FGGY: variants seen among roughly 807,000 people sequenced by gnomAD.
The protein encoded by FGGY is FGGY carbohydrate kinase domain containing.
A neutral mutation model predicts 71.3 loss-of-function variants in FGGY; 72 were observed. The ratio of observed to expected loss-of-function variants is 1.01; its 90% CI spans 0.84 to 1.23. The LOEUF (loss-of-function observed/expected upper bound fraction) is 1.23. Among genes scored for constraint, FGGY ranks in the 50% most tolerant of loss-of-function variants. The pLI is 0.00. For missense variants in FGGY, 668 were observed against 682.3 expected (o/e 0.98, Z 0.23); for synonymous variants, 251 against 250.3 (o/e 1.00, Z -0.02).
chr1:59,730,158 TTA>T (rs1446960241), intron 14 of FGGY, among the ~76,000 whole-genome samples: 2 of 152,122 alleles, frequency 1.3e-5, no homozygotes, highest in East Asian at 3.9e-4. Context: ...CCCTACCAGT[TTA>T]TGACTCCAGC....
Position 59,723,661 on chromosome 1 carries a change from A to G in FGGY, c.1513-34270A>G, listed in dbSNP as rs180769801. Among the ~76,000 whole-genome samples, 3 of 152,106 alleles carry G rather than the reference A, an allele frequency of 2.0e-5. No homozygotes were observed. In the East Asian group the frequency reaches 5.8e-4, roughly 29 times the overall value. On this transcript the variant is annotated intron_variant, in intron 14 of 15. Coordinates refer to ENST00000303721, the MANE Select transcript of FGGY (RefSeq NM_018291.5). ...AGCACCTTAATCACCCACCACACAG[A>G]GTGAGATCGTTTTATACACTAGTAA...
At chr1:59,697,779 C>A in intron 14 of FGGY, 1 of 1,047,138 alleles carries the variant, frequency 9.5e-7, no homozygotes, top group South Asian at 1.5e-5. Flanking sequence ...GCATGCTGTG[C>A]CCCTCCACAT....
intron 1 of FGGY, among the ~76,000 whole-genome samples, chr1:59,304,598 T>G (rs2043189152): frequency 6.6e-6 from 1 of 152,064 alleles, no homozygotes; most frequent in Non-Finnish European, 1.5e-5. Flanking sequence ...CTCTATTTTT[T>G]TTTTAAATGC....
rs548300170 is a variant in FGGY, at chr1:59,447,816, T to C, written c.555-9145T>C. Among the ~76,000 whole-genome samples, 5 of 152,314 alleles carry C rather than the reference T, an allele frequency of 3.3e-5. No homozygotes were observed. The East Asian group carries it at 9.6e-4, about 29-fold the overall frequency. The stretch of plus-strand genomic sequence containing the variant: ...AGTTTATTAAACCTCTTTTTCTTTA[T>C]AAATTACCCAGTCTCAGGTATGTCT... On this transcript the variant is annotated intron_variant, in intron 5 of 15. Transcript: ENST00000303721.
rs56302240 is a variant in FGGY at position 59,654,374 on chromosome 1, G to A, written c.1222-5845G>A. ...CTTCATTATTGACTGAGCAAGCAGAGCATTTCTGCCTCTCCATTGTGTTCT... is the reference window on the plus strand; with the variant it reads ...CTTCATTATTGACTGAGCAAGCAGAACATTTCTGCCTCTCCATTGTGTTCT... On this transcript the variant is annotated intron_variant, in intron 11 of 15. Coordinates refer to ENST00000303721, the MANE Select transcript of FGGY (RefSeq NM_018291.5). Among the ~76,000 whole-genome samples, 540 of 152,256 alleles carry A rather than the reference G, an allele frequency of 3.5e-3. 4 individuals carry two copies. Among genetic ancestry groups the A allele is most frequent in the African/African-American group, 0.012 (516 of 41,550 alleles).
chr1:59,557,172 T>C (rs950293384), intron 8 of FGGY, among the ~76,000 whole-genome samples: 5 of 152,118 alleles, frequency 3.3e-5, no homozygotes, highest in African/African-American at 1.2e-4. Context: ...AAGGACCCCC[T>C]TTGTTGTGGT....
chr1:59,494,394 A>C (rs1215715152), intron 6 of FGGY, among the ~76,000 whole-genome samples: 1 of 152,150 alleles, frequency 6.6e-6, no homozygotes, highest in African/African-American at 2.4e-5. Flanking sequence ...CAACAGCAGG[A>C]GCAGAGGCCC....
chr1:59,322,249 A>G (rs2046523314), intron 2 of FGGY, among the ~76,000 whole-genome samples: 1 of 151,858 alleles, frequency 6.6e-6, no homozygotes, highest in South Asian at 2.1e-4. Context: ...CAGGACTAGA[A>G]CAAAGCAGTC....
At chr1:59,404,707 A>C (rs1042834631) in intron 5 of FGGY, among the ~76,000 whole-genome samples, 24 of 152,180 alleles carry the variant, frequency 1.6e-4, no homozygotes, top group African/African-American at 5.3e-4. Context: ...AAATCTGAGC[A>C]GAAGAGACAG....
At chr1:59,484,096 A>G (rs538163676) in intron 6 of FGGY, among the ~76,000 whole-genome samples, 5 of 152,270 alleles carry the variant, frequency 3.3e-5, no homozygotes, top group African/African-American at 1.2e-4. Context: ...TTCCTTTTAC[A>G]GATATGGAAA....
intron 6 of FGGY, among the ~76,000 whole-genome samples, chr1:59,473,358 A>G (rs2093082623): frequency 6.6e-6 from 1 of 152,044 alleles, no homozygotes; most frequent in African/African-American, 2.4e-5. Context: ...GAAGGAAGAA[A>G]CTCCGAACAC....
At chr1:59,596,400 A>G (rs563801531) in intron 8 of FGGY, among the ~76,000 whole-genome samples, 1 of 151,954 alleles carries the variant, frequency 6.6e-6, no homozygotes, top group African/African-American at 2.4e-5. Flanking sequence ...CTAATGTGGA[A>G]GAAGGTGCTG....
chr1:59,518,475 A>G (rs995186430), intron 7 of FGGY, among the ~76,000 whole-genome samples: 2 of 152,226 alleles, frequency 1.3e-5, no homozygotes, highest in African/African-American at 2.4e-5. Flanking sequence ...GAAGCATGAT[A>G]TGGTTTGGAT....
chr1:59,446,738 C>G (rs1204482260), intron 5 of FGGY, among the ~76,000 whole-genome samples: 1 of 152,232 alleles, frequency 6.6e-6, no homozygotes, highest in South Asian at 2.1e-4. Flanking sequence ...TCCCCACTCT[C>G]AGCTCTAATT....
intron 1 of FGGY, among the ~76,000 whole-genome samples, chr1:59,301,096 T>C (rs1225650405): frequency 6.6e-6 from 1 of 152,220 alleles, no homozygotes; most frequent in East Asian, 1.9e-4. Flanking sequence ...TTCTGACCCG[T>C]GGACACAGTA....
intron 6 of FGGY, among the ~76,000 whole-genome samples, chr1:59,480,871 C>T (rs1032803280): frequency 2.6e-5 from 4 of 152,000 alleles, no homozygotes; most frequent in Admixed American, 1.3e-4. Context: ...AACTTCATCC[C>T]GTGTGTTAGC....
chr1:59,723,564 G>GC (rs1491452632), intron 14 of FGGY, among the ~76,000 whole-genome samples: 36 of 79,286 alleles, frequency 4.5e-4, no homozygotes, highest in African/African-American at 6.8e-4. Flanking sequence ...GTTTTTTTTT[G>GC]GGGGGGGGTG....
At chr1:59,728,902 C>G (rs1174943014) in intron 14 of FGGY, among the ~76,000 whole-genome samples, 1 of 151,978 alleles carries the variant, frequency 6.6e-6, no homozygotes, top group African/African-American at 2.4e-5. Flanking sequence ...CTCTGAACTT[C>G]TGGATCTATT....
chr1:59,405,238 A>T (rs1165372504), intron 5 of FGGY, among the ~76,000 whole-genome samples: 2 of 152,196 alleles, frequency 1.3e-5, no homozygotes, highest in African/African-American at 4.8e-5. Flanking sequence ...TTAGTGAGGG[A>T]GGATTAAAGA....
Sources: gnomAD v4.1 joint callset for allele counts (sites outside exome capture counted in the v4.1 genomes callset) on GRCh38, gnomAD v4.1.1 for gene constraint, MANE v1.5 for transcripts, NCBI Gene and HGNC (gene_info 2026-07-23, HGNC 2026-07-21) for gene names.